ANKRD17: variants seen among roughly 807,000 people sequenced by gnomAD.
ANKRD17 encodes ankyrin repeat domain-containing protein 17.
A neutral mutation model predicts 229.7 loss-of-function variants in ANKRD17; 19 were observed. That is an observed-to-expected ratio of 0.08 (90% CI 0.06 to 0.12). The LOEUF (loss-of-function observed/expected upper bound fraction) is 0.12. Among genes scored for constraint, ANKRD17 ranks in the 10% least tolerant of loss-of-function variants. The pLI, the probability that ANKRD17 is intolerant of heterozygous loss-of-function variation, is 1.00. For missense variants in ANKRD17, 2,176 were observed against 3,176.8 expected (o/e 0.68, Z 7.57); for synonymous variants, 1,112 against 1,146.1 (o/e 0.97, Z 0.60).
chr4:73,135,675 A>G (rs1338609345), intron 15 of ANKRD17, among the ~76,000 whole-genome samples: 2 of 152,186 alleles, frequency 1.3e-5, no homozygotes, highest in Non-Finnish European at 2.9e-5. Context: ...CCAATTTCAC[A>G]CCTTATATTC....
intron 1 of ANKRD17, among the ~76,000 whole-genome samples, chr4:73,191,126 A>G (rs1737009040): frequency 6.6e-6 from 1 of 152,182 alleles, no homozygotes; most frequent in South Asian, 2.1e-4. Flanking sequence ...GAAAAAGACA[A>G]TGGGGAGGGA....
At position 73,205,357 on chromosome 4, in the gene ANKRD17, A is replaced by G. The variant is rs192672827; in HGVS notation, c.394-27824T>C. Among the ~76,000 whole-genome samples, 529 of 152,268 alleles carry G rather than the reference A, an allele frequency of 3.5e-3. 3 individuals carry two copies. Among genetic ancestry groups the G allele is most frequent in the Non-Finnish European group, 5.8e-3 (392 of 68,014 alleles). ...GCAAAATAAAAAATTTAAAAAACAA[A>G]GCAGTAATAACCAAAACTGCATGAC... On this transcript the variant is annotated intron_variant, in intron 1 of 33. Coordinates refer to ENST00000358602, the MANE Select transcript of ANKRD17 (RefSeq NM_032217.5).
chr4:73,078,556 G>A, intron 31 of ANKRD17, 86 bp downstream of exon 31: 5 of 1,410,416 alleles, frequency 3.5e-6, no homozygotes, highest in African/African-American at 1.5e-5. Context: ...AAAAAAAAAA[G>A]GAAATGACTA....
In ANKRD17 at chr4:73,097,271, A is replaced by G. The variant is rs1419759522; in HGVS notation, c.5023T>C (p.Leu1675=). ...GTCCCTTCACTGATAGTTTCTGACAATCTTTAACAAAGAGAGGGAAAGTAC... is the reference window on the plus strand; with the variant it reads ...GTCCCTTCACTGATAGTTTCTGACAGTCTTTAACAAAGAGAGGGAAAGTAC... ...KSVSGKASIK[L]SETISEGTSN... Residue 1675 remains leucine, a splice_region_variant and synonymous_variant, in exon 27 of 34, where the codon TTG becomes CTG. Coordinates refer to ENST00000358602, the MANE Select transcript of ANKRD17 (RefSeq NM_032217.5). 1 of 1,566,422 alleles carries G rather than the reference A, an allele frequency of 6.4e-7. No homozygotes were observed. Among genetic ancestry groups the G allele is most frequent in the African/African-American group, 1.4e-5 (1 of 71,950 alleles).
In ANKRD17 at chr4:73,091,852, G is replaced by T. The variant is rs1321379106; in HGVS notation, c.5776C>A (p.Pro1926Thr). The change falls in exon 29 of 34, where the codon CCG (proline) becomes ACG (threonine). Residue 1926 changes from proline (P) to threonine (T), a missense_variant. Pro to Thr is a conservative substitution (Grantham distance 38). Coordinates refer to ENST00000358602, the MANE Select transcript of ANKRD17 (RefSeq NM_032217.5). ...TFPPAQSTWG[P>T]FPVRPLSPAR... ...GGGCTCAAAGGCCTGACAGGAAACG[G>T]ACCCCAAGTGGATTGAGCTGGTGGA... 1 of 1,614,202 alleles carries T rather than the reference G, an allele frequency of 6.2e-7. No homozygotes were observed. The highest frequency in any genetic ancestry group is 2.2e-5 in the East Asian group (1 of 44,880).
intron 14 of ANKRD17, 61 bp from the exon 15 acceptor site, chr4:73,140,344 C>T: frequency 6.6e-7 from 1 of 1,508,538 alleles, no homozygotes; most frequent in Non-Finnish European, 8.8e-7. Flanking sequence ...TACAGAGTTA[C>T]TGTTGGGAGG....
chr4:73,187,371 C>G (rs2149044695), intron 1 of ANKRD17, among the ~76,000 whole-genome samples: 1 of 152,240 alleles, frequency 6.6e-6, no homozygotes, highest in East Asian at 1.9e-4. Context: ...TTTAATATCT[C>G]AGGTAATTCT....
chr4:73,173,322 G>C (rs1734291231), intron 2 of ANKRD17, among the ~76,000 whole-genome samples: 1 of 152,142 alleles, frequency 6.6e-6, no homozygotes, highest in African/African-American at 2.4e-5. Context: ...TAAAGGTAAA[G>C]ATAGAACCCC....
chr4:73,241,097 C>T (rs1166831162), intron 1 of ANKRD17, among the ~76,000 whole-genome samples: 2 of 152,046 alleles, frequency 1.3e-5, no homozygotes, highest in Non-Finnish European at 2.9e-5. Flanking sequence ...AGATGTGAGC[C>T]ACCGTGCCCG....
At chr4:73,158,180 G>GAAAGAAAGAAAT (rs1553925375) in intron 3 of ANKRD17, among the ~76,000 whole-genome samples, 1 of 151,246 alleles carries the variant, frequency 6.6e-6, no homozygotes, top group Non-Finnish European at 1.5e-5. Context: ...AAGAAAGAAA[G>GAAAGAAAGAAAT]AAAGAAAGAG....
chr4:73,202,001 A>G (rs1489126500), intron 1 of ANKRD17, among the ~76,000 whole-genome samples: 1 of 152,130 alleles, frequency 6.6e-6, no homozygotes, highest in Non-Finnish European at 1.5e-5. Context: ...CTTCACAACT[A>G]AACAGAAAGG....
Position 73,177,372 on chromosome 4 carries a change from G to GTACA in ANKRD17, c.547+4_547+7dup, listed in dbSNP as rs1274081784. On this transcript the variant is annotated splice_region_variant and intron_variant, in intron 2 of 33. Transcript: ENST00000358602. ...CAAGGTAGACTTATTACTATGTAGA[G>GTACA]TACATACCTGCAGCTTCTAGTAAAG... 1.9e-6 allele frequency: 3 copies of GTACA among 1,602,694 alleles called. No homozygotes were observed. Among genetic ancestry groups the GTACA allele is most frequent in the Admixed American group, 3.4e-5 (2 of 59,252 alleles).
chr4:73,208,442 T>C (rs1739804689), intron 1 of ANKRD17, among the ~76,000 whole-genome samples: 1 of 152,164 alleles, frequency 6.6e-6, no homozygotes, highest in Admixed American at 6.5e-5. Flanking sequence ...TATTTAGAAA[T>C]GAAATAACCA....
chr4:73,200,864 C>CA (rs1738571835), intron 1 of ANKRD17, among the ~76,000 whole-genome samples: 1 of 151,806 alleles, frequency 6.6e-6, no homozygotes, highest in African/African-American at 2.4e-5. Context: ...CTCCACCTTT[C>CA]AGATGCCTCC....
intron 1 of ANKRD17, among the ~76,000 whole-genome samples, chr4:73,205,981 A>C (rs1355200903): frequency 6.6e-6 from 1 of 152,214 alleles, no homozygotes; most frequent in Non-Finnish European, 1.5e-5. Flanking sequence ...ATGTGGAAAA[A>C]ATGCTCAACA....
At chr4:73,180,063 TA>T (rs1458017006) in intron 1 of ANKRD17, among the ~76,000 whole-genome samples, 2 of 152,022 alleles carry the variant, frequency 1.3e-5, no homozygotes, top group African/African-American at 4.8e-5. Flanking sequence ...ATTGAACAGG[TA>T]AAATGAATAG....
intron 25 of ANKRD17, chr4:73,099,231 C>T (rs1723661109): frequency 5.2e-6 from 3 of 577,208 alleles, no homozygotes; most frequent in Non-Finnish European, 6.5e-6. Flanking sequence ...GCCCCCGCCC[C>T]TTTCCCAGGC....
At chr4:73,172,949 T>C (rs148214032) in intron 2 of ANKRD17, among the ~76,000 whole-genome samples, 3 of 152,282 alleles carry the variant, frequency 2.0e-5, no homozygotes, top group Non-Finnish European at 4.4e-5. Context: ...CAGGAGTAAG[T>C]CTTCACTTAT....
At chr4:73,258,127 T>C in intron 1 of ANKRD17, 149 bp downstream of exon 1, 1 of 1,423,928 alleles carries the variant, frequency 7.0e-7, no homozygotes, top group Non-Finnish European at 9.4e-7. Flanking sequence ...CCTCACGATT[T>C]AGGCCGAGGG....
Sources: allele counts gnomAD v4.1 joint callset (sites outside exome capture counted in the v4.1 genomes callset), GRCh38; gene constraint gnomAD v4.1.1; transcripts MANE v1.5; gene names NCBI Gene and HGNC (gene_info 2026-07-23, HGNC 2026-07-21).